RUFY4: variants seen among roughly 807,000 people sequenced by gnomAD.
RUFY4 encodes the protein RUN and FYVE domain containing 4, also known as RUN and FYVE domain-containing protein 4.
A neutral mutation model predicts 69.0 loss-of-function variants in RUFY4; 73 were observed. The observed-to-expected ratio is 1.06, with a 90% CI of 0.88 to 1.29. RUFY4 has a LOEUF of 1.29. RUFY4 is among the 50% of genes most tolerant of loss of function. The pLI, the probability that RUFY4 is intolerant of heterozygous loss-of-function variation, is 0.00. For synonymous variants in RUFY4, 287 were observed against 271.8 expected, an observed-to-expected ratio of 1.06 and a Z score of -0.55; for missense variants, 770 against 705.6, an observed-to-expected ratio of 1.09 and a Z score of -1.03.
At chr2:218,057,776 G>A (rs1386762256) in intron 2 of RUFY4, among the ~76,000 whole-genome samples, 1 of 152,210 alleles carries the variant, frequency 6.6e-6, no homozygotes, top group Non-Finnish European at 1.5e-5. Context: ...TAGGCAAATG[G>A]AATCATATAA....
At chr2:218,082,034 C>A (rs1559437318) in intron 8 of RUFY4, among the ~76,000 whole-genome samples, 1 of 152,222 alleles carries the variant, frequency 6.6e-6, no homozygotes, top group South Asian at 2.1e-4. Context: ...GCCATTGCAA[C>A]GCCCTCCCAG....
intron 8 of RUFY4, 73 bp from the exon 11 acceptor site, chr2:218,083,037 A>C: frequency 6.9e-7 from 1 of 1,439,512 alleles, no homozygotes; most frequent in African/African-American, 2.9e-5. Context: ...CCTCTCTGGA[A>C]GAGGCTCAGC....
intron 3 of RUFY4, chr2:218,059,427 C>T (rs1438027021): frequency 6.0e-6 from 1 of 166,470 alleles, no homozygotes; most frequent in Non-Finnish European, 1.5e-5. Context: ...ACTCCCCATA[C>T]TCCCCTCCCC....
intron 2 of RUFY4, among the ~76,000 whole-genome samples, chr2:218,036,016 G>A (rs574483338): frequency 2.6e-5 from 4 of 152,294 alleles, no homozygotes; most frequent in East Asian, 1.9e-4. Context: ...CCAAGTCAGG[G>A]CCCAGAACAC....
In RUFY4 at chr2:218,073,898, T is replaced by A; in HGVS notation, c.600+13T>A. On this transcript the variant is annotated intron_variant, in intron 6 of 10. Transcript: ENST00000344321. ...TGCCCCAAAGAAGGTGCCTCTGCCC[T>A]GCCTTCACTCTGAGTTGCCTCTTCC... 1 of 1,613,644 alleles carries A rather than the reference T, an allele frequency of 6.2e-7. No homozygotes were observed. The highest frequency in any genetic ancestry group is 8.5e-7 in the Non-Finnish European group (1 of 1,179,666).
At chr2:218,043,050 A>AGT (rs1382622670) in intron 2 of RUFY4, among the ~76,000 whole-genome samples, 1 of 152,154 alleles carries the variant, frequency 6.6e-6, no homozygotes, top group Admixed American at 6.5e-5. Flanking sequence ...TAGGCAGACA[A>AGT]GTGGAGGGTG....
At chr2:218,058,347 G>C (rs2106035797) in intron 2 of RUFY4, among the ~76,000 whole-genome samples, 1 of 152,272 alleles carries the variant, frequency 6.6e-6, no homozygotes, top group South Asian at 2.1e-4. Flanking sequence ...ATAGCCTAAG[G>C]AATAATAATA....
At chr2:218,073,261 G>T (rs1228303069) in exon 5 of RUFY4, 1 of 1,551,922 alleles carries the variant, frequency 6.4e-7, no homozygotes, top group African/African-American at 1.4e-5. Flanking sequence ...ATGGACCCCG[G>T]AGCCCTCTGC....
intron 3 of RUFY4, among the ~76,000 whole-genome samples, chr2:218,063,874 G>T (rs1233051510): frequency 6.6e-6 from 1 of 152,128 alleles, no homozygotes; most frequent in Admixed American, 6.5e-5. Context: ...CACCTGAGCT[G>T]AGCTTCCACC....
chr2:218,081,938 G>A (rs796749644), intron 8 of RUFY4, among the ~76,000 whole-genome samples: 16 of 152,250 alleles, frequency 1.1e-4, no homozygotes, highest in Non-Finnish European at 7.4e-5. Flanking sequence ...AGCCTCTTCC[G>A]CTCAAACACA....
exon 11 of RUFY4, chr2:218,090,513 T>G (rs546988982): frequency 6.0e-6 from 1 of 167,444 alleles, no homozygotes; most frequent in Non-Finnish European, 1.3e-5. Flanking sequence ...GGATCTGTGT[T>G]TGTGTTGCTG....
chr2:218,066,731 A>C (rs1689341410), upstream of RUFY4, among the ~76,000 whole-genome samples: 2 of 152,370 alleles, frequency 1.3e-5, no homozygotes, highest in African/African-American at 4.8e-5. Flanking sequence ...TGCTATTCAG[A>C]GGACTGTGAG....
At chr2:218,077,219 G>A (rs1689655327) in intron 8 of RUFY4, among the ~76,000 whole-genome samples, 1 of 149,298 alleles carries the variant, frequency 6.7e-6, no homozygotes. Context: ...CATGTCGAGT[G>A]CCTGCACTTC....
intron 2 of RUFY4, 95 bp downstream of exon 4, chr2:218,070,954 T>C: frequency 2.3e-6 from 2 of 886,594 alleles, no homozygotes; most frequent in Non-Finnish European, 3.4e-6. Context: ...ACAGCCCCCT[T>C]CCTTACCATG....
intron 8 of RUFY4, among the ~76,000 whole-genome samples, chr2:218,079,535 C>T (rs1028844413): frequency 2.0e-5 from 3 of 152,048 alleles, no homozygotes; most frequent in Non-Finnish European, 2.9e-5. Flanking sequence ...ACATGTCAGA[C>T]GGGAGCCGCT....
exon 11 of RUFY4, chr2:218,090,100 A>G (rs1240095910): frequency 4.3e-6 from 5 of 1,175,062 alleles, no homozygotes; most frequent in Non-Finnish European, 6.1e-6. Flanking sequence ...CTGCCTGCCC[A>G]TCCCACTCAA....
rs888406876 is a variant in RUFY4, at chr2:218,073,103, C to T, written c.387-140C>T. ...TGGGCCTCCTGCTCCTGAAGGGCCACAACTCTGCCTGGGGAACAGCCTCAT... is the reference window on the plus strand; with the variant it reads ...TGGGCCTCCTGCTCCTGAAGGGCCATAACTCTGCCTGGGGAACAGCCTCAT... On this transcript the variant is annotated intron_variant, in intron 4 of 10. Transcript: ENST00000344321. 74 of 1,190,800 alleles carry T rather than the reference C, an allele frequency of 6.2e-5. No individual in the cohort carries two copies. The East Asian group carries it at 1.7e-3, about 27-fold the overall frequency. 73.8% of individuals were successfully genotyped at this position (1,190,800 alleles called of 1,614,324 possible). A position where few individuals can be genotyped will look rare whatever the true frequency, so the allele number is the denominator to read the frequency against.
At chr2:218,057,358 A>G (rs1408721512) in intron 2 of RUFY4, among the ~76,000 whole-genome samples, 1 of 152,338 alleles carries the variant, frequency 6.6e-6, no homozygotes, top group South Asian at 2.1e-4. Flanking sequence ...TACTTCCTAG[A>G]CATTTATCTG....
chr2:218,053,991 C>A (rs926006886), intron 2 of RUFY4, among the ~76,000 whole-genome samples: 3 of 152,220 alleles, frequency 2.0e-5, no homozygotes, highest in African/African-American at 7.2e-5. Flanking sequence ...TGACAGAAAT[C>A]TTCATCGTCT....
Sources: allele counts gnomAD v4.1 joint callset (sites outside exome capture counted in the v4.1 genomes callset), GRCh38; gene constraint gnomAD v4.1.1; transcripts MANE v1.5; gene names NCBI Gene and HGNC (gene_info 2026-07-23, HGNC 2026-07-21).